FRMD6: variants seen among roughly 807,000 people sequenced by gnomAD.
FRMD6 encodes the protein FERM domain-containing protein 6.
FRMD6 carries 37 observed loss-of-function variants against 73.2 expected under a neutral mutation model. That is an observed-to-expected ratio of 0.51 (90% CI 0.39 to 0.66). FRMD6 has a LOEUF of 0.66. Ranked by LOEUF, FRMD6 falls within the 30% of genes least tolerant of loss-of-function variation. FRMD6 has a pLI of 0.00. For synonymous variants in FRMD6, 273 were observed against 282.2 expected (o/e 0.97, Z 0.33); for missense variants, 714 against 780.5 (o/e 0.91, Z 1.02).
At chr14:51,696,018 A>G (rs374610174) in intron 2 of FRMD6, among the ~76,000 whole-genome samples, 2 of 152,234 alleles carry the variant, frequency 1.3e-5, no homozygotes, top group East Asian at 1.9e-4. Flanking sequence ...TAAACTCATT[A>G]TCATTGAAAA....
the FRMD6 span, among the ~76,000 whole-genome samples, chr14:51,466,094 A>G: frequency 6.6e-6 from 1 of 151,970 alleles, no homozygotes; most frequent in Non-Finnish European, 1.5e-5. Flanking sequence ...GCACTTGTAC[A>G]TTTCATGAAG....
At chr14:51,697,902 A>G (rs1434629477) in intron 2 of FRMD6, 2 of 346,692 alleles carry the variant, frequency 5.8e-6, no homozygotes, top group Admixed American at 8.9e-5. Flanking sequence ...AGCTTTGTCC[A>G]TGTATGGTAA....
At chr14:51,609,217 T>C (rs757607819) in intron 2 of FRMD6, among the ~76,000 whole-genome samples, 5 of 152,190 alleles carry the variant, frequency 3.3e-5, no homozygotes, top group Admixed American at 6.5e-5. Context: ...TCAGGTTCTC[T>C]GTAAGATCCA....
intron 1 of FRMD6, among the ~76,000 whole-genome samples, chr14:51,560,087 A>G (rs1436147418): frequency 4.6e-5 from 7 of 152,260 alleles, no homozygotes; most frequent in African/African-American, 9.6e-5. Flanking sequence ...TGTATCTCTT[A>G]TAATAGTAGA....
chr14:51,420,799 G>C, the FRMD6 span, among the ~76,000 whole-genome samples: 2 of 152,122 alleles, frequency 1.3e-5, no homozygotes, highest in African/African-American at 4.8e-5. Context: ...GTTTTGAATG[G>C]AGTCTCGCTC....
At chr14:51,462,728 C>A in the FRMD6 span, among the ~76,000 whole-genome samples, 1 of 151,638 alleles carries the variant, frequency 6.6e-6, no homozygotes. Context: ...TGTGAAGACC[C>A]ATAAGATCAA....
the FRMD6 span, among the ~76,000 whole-genome samples, chr14:51,474,269 G>C: frequency 6.6e-6 from 1 of 152,314 alleles, no homozygotes; most frequent in African/African-American, 2.4e-5. Context: ...TGAGAATAGA[G>C]ACAGGAGTTG....
the FRMD6 span, among the ~76,000 whole-genome samples, chr14:51,473,024 G>A: frequency 7.2e-5 from 11 of 152,186 alleles, no homozygotes; most frequent in Admixed American, 1.3e-4. Flanking sequence ...TTCAAATGAG[G>A]TATAATGAGC....
At chr14:51,512,197 G>A (rs4901130) in intron 1 of FRMD6, among the ~76,000 whole-genome samples, 53,092 of 151,960 alleles carry the variant, frequency 0.35, 9,407 homozygotes, top group South Asian at 0.38. Flanking sequence ...TGGGAGTGGT[G>A]GATGGATAAT....
chr14:51,406,713 A>G, the FRMD6 span, among the ~76,000 whole-genome samples: 4 of 152,130 alleles, frequency 2.6e-5, no homozygotes, highest in Non-Finnish European at 5.9e-5. Flanking sequence ...TTATTCTTCA[A>G]GATTATCCTC....
chr14:51,704,076 A>AT (rs1244239927), intron 5 of FRMD6, among the ~76,000 whole-genome samples: 6 of 152,120 alleles, frequency 3.9e-5, no homozygotes, highest in African/African-American at 1.4e-4. Context: ...TGTGGGGAGT[A>AT]TAATAATTGT....
chr14:51,525,707 A>G (rs1885215736), intron 1 of FRMD6, among the ~76,000 whole-genome samples: 1 of 152,190 alleles, frequency 6.6e-6, no homozygotes, highest in African/African-American at 2.4e-5. Flanking sequence ...TTGCATCACC[A>G]TAACCCCTGA....
intron 2 of FRMD6, among the ~76,000 whole-genome samples, chr14:51,576,567 T>C (rs1190603972): frequency 6.6e-6 from 1 of 152,140 alleles, no homozygotes; most frequent in Non-Finnish European, 1.5e-5. Flanking sequence ...ACAGAGCTTC[T>C]CTTTTGGTCC....
intron 1 of FRMD6, among the ~76,000 whole-genome samples, chr14:51,540,388 GA>G (rs1886140876): frequency 6.6e-6 from 1 of 152,170 alleles, no homozygotes; most frequent in African/African-American, 2.4e-5. Flanking sequence ...TTATGCATCT[GA>G]AATGGGGTTT....
chr14:51,439,067 T>A, the FRMD6 span, among the ~76,000 whole-genome samples: 1 of 152,228 alleles, frequency 6.6e-6, no homozygotes, highest in African/African-American at 2.4e-5. Context: ...CTTTTTAATG[T>A]TGTTAAAGTA....
In FRMD6 at chr14:51,530,598, G is replaced by A. The variant is rs146895825; in HGVS notation, c.-209-39750G>A. ...GGGGATCAAGTGATCCTCCTGCCTC[G>A]GCCTCCCGAGTAGCTGGGACCACAG... On this transcript the variant is annotated intron_variant, in intron 1 of 14. Coordinates refer to the FRMD6 transcript ENST00000356218. Among the ~76,000 whole-genome samples, 278 of 151,820 alleles carry A rather than the reference G, an allele frequency of 1.8e-3. 1 individual carries two copies. The highest frequency in any genetic ancestry group is 6.5e-3 in the African/African-American group (270 of 41,380).
intron 12 of FRMD6, among the ~76,000 whole-genome samples, chr14:51,722,463 T>TGCTA (rs1456569453): frequency 6.6e-6 from 1 of 152,138 alleles, no homozygotes; most frequent in Non-Finnish European, 1.5e-5. Flanking sequence ...AAATCCAACA[T>TGCTA]GGCTAGAAAC....
At chr14:51,397,713 C>T in the FRMD6 span, among the ~76,000 whole-genome samples, 3 of 152,142 alleles carry the variant, frequency 2.0e-5, no homozygotes, top group Admixed American at 6.5e-5. Context: ...ACTGACATCG[C>T]GCCACATGTA....
At chr14:51,549,676 G>A (rs1451593056) in intron 1 of FRMD6, among the ~76,000 whole-genome samples, 2 of 131,298 alleles carry the variant, frequency 1.5e-5, no homozygotes, top group African/African-American at 5.8e-5. Context: ...GCTCACTGCA[G>A]GCTCCGCCCC....
Sources: allele counts gnomAD v4.1 joint callset (sites outside exome capture counted in the v4.1 genomes callset), GRCh38; gene constraint gnomAD v4.1.1; transcripts MANE v1.5; gene names NCBI Gene and HGNC (gene_info 2026-07-23, HGNC 2026-07-21).